Variants in ALX1 observed in about 807,000 individuals in gnomAD.
ALX1 encodes the protein ALX homeobox 1.
In ALX1, 19 loss-of-function variants were observed where a neutral mutation model predicts 31.7. That is an observed-to-expected ratio of 0.60 (90% confidence interval 0.42 to 0.88). The LOEUF (loss-of-function observed/expected upper bound fraction) is 0.88, where lower values mean the gene tolerates loss of function less well. Ranked by LOEUF, ALX1 falls within the 40% of genes least tolerant of loss-of-function variation. The pLI, the probability that ALX1 is intolerant of heterozygous loss-of-function variation, is 0.00. For synonymous variants in ALX1, 153 were observed against 148.8 expected, an observed-to-expected ratio of 1.03 and a Z score of -0.20; for missense variants, 415 against 407.8, an observed-to-expected ratio of 1.02 and a Z score of -0.15.
At chr12:85,284,899 G>A (rs778352361) in intron 2 of ALX1, among the ~76,000 whole-genome samples, 20 of 151,976 alleles carry the variant, frequency 1.3e-4, no homozygotes, top group Non-Finnish European at 2.1e-4. Flanking sequence ...ATCGAGTAAC[G>A]GTATTTCTTC....
At chr12:85,289,630 T>TA (rs529999510) in intron 3 of ALX1, among the ~76,000 whole-genome samples, 36 of 151,196 alleles carry the variant, frequency 2.4e-4, no homozygotes, top group Non-Finnish European at 4.6e-4. Flanking sequence ...TGAATAATAA[T>TA]AAAAATTAAT....
At chr12:85,280,772 G>A (rs1394131275) in intron 1 of ALX1, among the ~76,000 whole-genome samples, 1 of 152,138 alleles carries the variant, frequency 6.6e-6, no homozygotes, top group African/African-American at 2.4e-5. Flanking sequence ...GAGTCCTTCT[G>A]TAATATTGGT....
chr12:85,291,980 A>G (rs1896824427), intron 3 of ALX1, among the ~76,000 whole-genome samples: 1 of 151,196 alleles, frequency 6.6e-6, no homozygotes, highest in South Asian at 2.1e-4. Context: ...CATTTATAAA[A>G]TGGGGGTAAA....
intron 3 of ALX1, among the ~76,000 whole-genome samples, chr12:85,294,710 A>G (rs1251769819): frequency 2.0e-5 from 3 of 151,084 alleles, no homozygotes; most frequent in Admixed American, 6.6e-5. Context: ...AAGTAGACAT[A>G]CACATTTATT....
Position 85,286,985 on chromosome 12 carries a change from T to C in ALX1, c.660+4T>C. 1 of 1,611,860 alleles carries C rather than the reference T, an allele frequency of 6.2e-7. No individual in the cohort carries two copies. On this transcript the variant is annotated splice_donor_region_variant and intron_variant, in intron 3 of 3. Coordinates refer to ENST00000316824, the MANE Select transcript of ALX1 (RefSeq NM_006982.3). ...AAGGACTGACAGCTACCCACAGGTATGCTAAACTACACAGAATACTGATCA... is the reference window on the plus strand; with the variant it reads ...AAGGACTGACAGCTACCCACAGGTACGCTAAACTACACAGAATACTGATCA...
intron 2 of ALX1, among the ~76,000 whole-genome samples, chr12:85,286,396 A>G (rs949621428): frequency 6.6e-6 from 1 of 151,940 alleles, no homozygotes; most frequent in Admixed American, 6.6e-5. Flanking sequence ...CACTTTTGTG[A>G]TATATTTTAA....
intron 1 of ALX1, 118 bp from the exon 2 acceptor site, chr12:85,283,454 G>A (rs1248508824): frequency 3.0e-6 from 3 of 1,003,494 alleles, no homozygotes; most frequent in Non-Finnish European, 4.6e-6. Context: ...ATTAATACTA[G>A]CACAATAAAT....
intron 3 of ALX1, among the ~76,000 whole-genome samples, chr12:85,293,790 C>A (rs1896849449): frequency 6.6e-6 from 1 of 151,128 alleles, no homozygotes. Flanking sequence ...ATTAAGCCAT[C>A]AAAGCCCAGG....
In ALX1 at chr12:85,293,093, G is replaced by C. The variant is rs146178424; in HGVS notation, c.660+6112G>C. Among the ~76,000 whole-genome samples the C allele has an allele frequency of 7.2e-3, 1,085 of 150,542 alleles. 23 individuals are homozygous for C. Among genetic ancestry groups the C allele is most frequent in the Admixed American group, 0.042 (630 of 15,056 alleles). ...ACCATCATTTTCAAAATATCATATT[G>C]ATATTGCACAATTTGTCACTGATAA... is the stretch of plus-strand genomic sequence containing the variant. On this transcript the variant is annotated intron_variant, in intron 3 of 3. Coordinates refer to ENST00000316824, the MANE Select transcript of ALX1 (RefSeq NM_006982.3).
At chr12:85,284,350 AAAC>A (rs944366312) in intron 2 of ALX1, among the ~76,000 whole-genome samples, 4 of 151,300 alleles carry the variant, frequency 2.6e-5, no homozygotes, top group Non-Finnish European at 5.9e-5. Flanking sequence ...ATAAAAAAAA[AAAC>A]AATCCCACAA....
intron 2 of ALX1, among the ~76,000 whole-genome samples, chr12:85,285,792 T>A (rs777248883): frequency 8.6e-5 from 13 of 151,918 alleles, no homozygotes; most frequent in Non-Finnish European, 1.9e-4. Flanking sequence ...CATAATTGTG[T>A]GAAGAAGACT....
At position 85,286,944 on chromosome 12, in the gene ALX1, A is replaced by G. The variant is rs1252542249; in HGVS notation, c.623A>G (p.Asp208Gly). 6.2e-7 allele frequency: 1 copy of G among 1,612,182 alleles called. No individual in the cohort carries two copies. Among genetic ancestry groups the G allele is most frequent in the African/African-American group, 1.3e-5 (1 of 74,842 alleles). The change falls in exon 3 of 4, where the codon GAT (aspartate) becomes GGT (glycine). Residue 208 changes from aspartate to glycine, a missense_variant. This residue lies in a region of ALX1 where 174 missense variants were observed against 177.5 expected (regional missense o/e 0.98). Coordinates refer to ENST00000316824, the MANE Select transcript of ALX1 (RefSeq NM_006982.3). ...AAAAGCCATTTTGCTGCCACCTATG[A>G]TATATCAGTTTTGCCAAGGACTGAC... ...QAKSHFAATY[D>G]ISVLPRTDSY...
At position 85,280,258 on chromosome 12, in the gene ALX1, G is replaced by T. The variant is rs752310288; in HGVS notation, c.-4G>T. 3.7e-6 allele frequency: 6 copies of T among 1,613,056 alleles called. No homozygotes were observed. In the East Asian group the frequency reaches 1.3e-4, roughly 36 times the overall value. On this transcript the variant is annotated 5_prime_UTR_variant, in exon 1 of 4. Transcript: ENST00000316824. ...CAGGAGCTACGCGACAGTCTTCCAG[G>T]ATTATGGAGTTTCTGAGCGAGAAGT... is the stretch of plus-strand genomic sequence containing the variant.
intron 2 of ALX1, among the ~76,000 whole-genome samples, chr12:85,285,784 T>A (rs1357707045): frequency 1.3e-5 from 2 of 151,898 alleles, no homozygotes; most frequent in African/African-American, 2.4e-5. Context: ...ATTCTGAACA[T>A]AATTGTGTGA....
intron 3 of ALX1, 106 bp from the exon 4 acceptor site, chr12:85,301,049 G>A: frequency 8.1e-7 from 1 of 1,228,604 alleles, no homozygotes; most frequent in Non-Finnish European, 1.2e-6. Context: ...CCCAATAGGA[G>A]CAAACAATGA....
chr12:85,282,539 CAA>C (rs2137375570), intron 1 of ALX1, among the ~76,000 whole-genome samples: 1 of 151,914 alleles, frequency 6.6e-6, no homozygotes, highest in African/African-American at 2.4e-5. Context: ...AAAAAAGAAA[CAA>C]ATGAAAAAAG....
chr12:85,287,074 T>G lies in ALX1; in HGVS notation c.660+93T>G, dbSNP rs542576121. On this transcript the variant is annotated intron_variant, in intron 3 of 3. Coordinates refer to ENST00000316824, the MANE Select transcript of ALX1 (RefSeq NM_006982.3). ...AGCATAGGCTTTATTATATGTAAGATAATAGCCAAGAATGAAAATCTAAGC... is the reference window on the plus strand; with the variant it reads ...AGCATAGGCTTTATTATATGTAAGAGAATAGCCAAGAATGAAAATCTAAGC... 7.0e-6 allele frequency: 10 copies of G among 1,422,810 alleles called. No individual in the cohort carries two copies. The East Asian group carries it at 2.3e-4, about 33-fold the overall frequency. 88.1% of individuals were successfully genotyped at this position (1,422,810 alleles called of 1,614,324 possible). A position where few individuals can be genotyped will look rare whatever the true frequency, so the allele number is the denominator to read the frequency against.
In ALX1 at chr12:85,301,515, A is replaced by G. The variant is rs1188861496; in HGVS notation, c.*40A>G. Reference sequence around the variant, plus strand: ...TTATTTTTCTTTTAATAGCAAAGTTAAACATTCTTATTTCTCATATTTAAA... The same window carrying G: ...TTATTTTTCTTTTAATAGCAAAGTTGAACATTCTTATTTCTCATATTTAAA... On this transcript the variant is annotated 3_prime_UTR_variant, in exon 4 of 4. Transcript: ENST00000316824. 1.3e-6 allele frequency: 2 copies of G among 1,589,062 alleles called. No individual in the cohort carries two copies. Among genetic ancestry groups the G allele is most frequent in the Non-Finnish European group, 1.7e-6 (2 of 1,162,434 alleles).
rs57535973 is a variant in ALX1 at position 85,300,518 on chromosome 12, T to C, written c.661-637T>C. On this transcript the variant is annotated intron_variant, in intron 3 of 3. Transcript: ENST00000316824. ...TCACATGTCTGTTTCAAATTCATTA[T>C]ATCATACATAAATCACAGAATAAAT... is the stretch of plus-strand genomic sequence containing the variant. Among the ~76,000 whole-genome samples, 619 of 152,234 alleles carry C rather than the reference T, an allele frequency of 4.1e-3. 2 individuals carry two copies. The highest frequency in any genetic ancestry group is 0.014 in the African/African-American group (590 of 41,562).
Sources: allele counts gnomAD v4.1 joint callset (sites outside exome capture counted in the v4.1 genomes callset), GRCh38; gene constraint gnomAD v4.1.1; regional missense constraint gnomAD v4.1.1; transcripts MANE v1.5; gene names NCBI Gene and HGNC (gene_info 2026-07-23, HGNC 2026-07-21).